PKN2: variants seen among roughly 807,000 people sequenced by gnomAD.
PKN2 encodes serine/threonine-protein kinase N2.
In PKN2, 38 loss-of-function variants were observed where a neutral mutation model predicts 119.1. The observed-to-expected ratio is 0.32, with a 90% CI of 0.25 to 0.42. The LOEUF (loss-of-function observed/expected upper bound fraction) is 0.42. PKN2 is among the 10% of genes least tolerant of loss of function. The pLI, the probability that PKN2 is intolerant of heterozygous loss-of-function variation, is 1.00. For synonymous variants in PKN2, 390 were observed against 384.9 expected (o/e 1.01, Z -0.15); for missense variants, 850 against 1,165.1 (o/e 0.73, Z 3.94).
chr1:88,816,062 C>T (rs996577060), intron 16 of PKN2, among the ~76,000 whole-genome samples: 1 of 151,792 alleles, frequency 6.6e-6, no homozygotes, highest in Non-Finnish European at 1.5e-5. Context: ...ACCACTTGAA[C>T]CCCAGAGGCA....
chr1:88,776,196 TCCCTCCCCCTCC>T (rs1202438757), intron 6 of PKN2, among the ~76,000 whole-genome samples: 1 of 118,246 alleles, frequency 8.5e-6, no homozygotes, highest in East Asian at 2.3e-4. Context: ...TCTCTCTCCC[TCCCTCCCCCTCC>T]CCCTACCCCC....
chr1:88,757,276 T>C (rs1669243540), intron 2 of PKN2, among the ~76,000 whole-genome samples: 1 of 152,220 alleles, frequency 6.6e-6, no homozygotes, highest in Admixed American at 6.5e-5. Context: ...GCAGATATCA[T>C]TAACTAAAGC....
chr1:88,722,479 G>A (rs1387665681), intron 1 of PKN2, among the ~76,000 whole-genome samples: 1 of 152,178 alleles, frequency 6.6e-6, no homozygotes. Context: ...TTGGATATGA[G>A]GGATTGCTAT....
chr1:88,690,915 G>C (rs150037005), intron 1 of PKN2, among the ~76,000 whole-genome samples: 534 of 152,208 alleles, frequency 3.5e-3, no homozygotes, highest in Non-Finnish European at 6.3e-3. Flanking sequence ...AAATTTGTCA[G>C]TGACTTATCA....
At chr1:88,701,928 C>A (rs1003133197) in intron 1 of PKN2, among the ~76,000 whole-genome samples, 34 of 152,050 alleles carry the variant, frequency 2.2e-4, no homozygotes, top group African/African-American at 2.9e-4. Context: ...CATTGTAGGA[C>A]TTTAGAGGAG....
At chr1:88,720,623 AC>A (rs754807411) in intron 1 of PKN2, among the ~76,000 whole-genome samples, 4 of 151,826 alleles carry the variant, frequency 2.6e-5, no homozygotes, top group South Asian at 2.1e-4. Context: ...ATGTTTCGTG[AC>A]CCTTTTTTTT....
At chr1:88,738,306 A>T (rs544531272) in intron 1 of PKN2, among the ~76,000 whole-genome samples, 1 of 152,370 alleles carries the variant, frequency 6.6e-6, no homozygotes, top group African/African-American at 2.4e-5. Context: ...CAGAGCACAC[A>T]GGAGAGGCAT....
intron 1 of PKN2, among the ~76,000 whole-genome samples, chr1:88,725,069 T>C (rs1667846981): frequency 6.6e-6 from 1 of 152,042 alleles, no homozygotes; most frequent in Non-Finnish European, 1.5e-5. Context: ...TACTTTTTAT[T>C]GCTTAGTAGC....
rs1186808652 is a variant in PKN2 at position 88,835,733 on chromosome 1, AAAC to A, written c.*2288_*2290del. 6.6e-6 allele frequency: 1 copy of A among 152,366 alleles called. No homozygotes were observed. Among genetic ancestry groups the A allele is most frequent in the Non-Finnish European group, 1.5e-5 (1 of 67,918 alleles). The allele number at this position is 152,366 out of a possible 1,614,324, so 9.4% of individuals were successfully genotyped here. ...TGCCTTTCACTATGTCATTCTAAGA[AAAC>A]AAGTGTTTTTTGCAGTCATAAATTA... On this transcript the variant is annotated 3_prime_UTR_variant, in exon 22 of 22. Coordinates refer to ENST00000370521, the MANE Select transcript of PKN2 (RefSeq NM_006256.4).
chr1:88,776,972 A>G (rs1267705037), intron 6 of PKN2, among the ~76,000 whole-genome samples: 2 of 152,048 alleles, frequency 1.3e-5, no homozygotes, highest in Non-Finnish European at 2.9e-5. Flanking sequence ...CTTGTCTTTC[A>G]TCAGATTTGG....
chr1:88,773,669 C>T (rs1278046772), intron 6 of PKN2, among the ~76,000 whole-genome samples: 4 of 152,108 alleles, frequency 2.6e-5, no homozygotes, highest in Admixed American at 6.5e-5. Flanking sequence ...GTCCCAGCTA[C>T]TTGGGAGGCA....
At chr1:88,759,795 C>A (rs1184480348) in intron 2 of PKN2, among the ~76,000 whole-genome samples, 1 of 152,118 alleles carries the variant, frequency 6.6e-6, no homozygotes, top group East Asian at 1.9e-4. Context: ...TGGACACATA[C>A]AACCTCCCAA....
chr1:88,806,091 G>C, intron 12 of PKN2, 74 bp downstream of exon 12: 5 of 1,260,484 alleles, frequency 4.0e-6, no homozygotes, highest in Non-Finnish European at 4.6e-6. Context: ...AGTGAATAAG[G>C]CGTGTCTTTC....
intron 1 of PKN2, among the ~76,000 whole-genome samples, chr1:88,714,121 G>A (rs1667350250): frequency 6.6e-6 from 1 of 152,150 alleles, no homozygotes; most frequent in African/African-American, 2.4e-5. Flanking sequence ...TGAGGCCTCT[G>A]TTCTGTTCCA....
chr1:88,806,328 C>A, intron 12 of PKN2: 1 of 298,130 alleles, frequency 3.4e-6, no homozygotes. Flanking sequence ...TGCCACCATG[C>A]CTGGCTAATT....
intron 19 of PKN2, chr1:88,829,016 G>A (rs200056151): frequency 5.6e-5 from 36 of 641,702 alleles, no homozygotes; most frequent in Middle Eastern, 2.5e-4. Flanking sequence ...CCAGACTTCC[G>A]TCTGAGCAAC....
At chr1:88,792,319 C>T (rs1670875117) in intron 8 of PKN2, among the ~76,000 whole-genome samples, 1 of 152,178 alleles carries the variant, frequency 6.6e-6, no homozygotes, top group South Asian at 2.1e-4. Context: ...AATAGAATCG[C>T]TTGAACCTGG....
At chr1:88,828,429 A>G (rs934197751) in intron 18 of PKN2, 52 bp from the exon 19 acceptor site, 60 of 1,463,906 alleles carry the variant, frequency 4.1e-5, no homozygotes, top group Non-Finnish European at 5.6e-5. Flanking sequence ...TTTTTTTTTT[A>G]TGCTAGATTT....
At position 88,805,472 on chromosome 1, in the gene PKN2, T is replaced by G. The variant is rs551542766; in HGVS notation, c.1502-25T>G. ...TTATACATAAAGAAATTACTTGCTG[T>G]TTTTGTTTTTTTCAACATCTACAGG... is the stretch of plus-strand genomic sequence containing the variant. On this transcript the variant is annotated intron_variant, in intron 10 of 21. Transcript: ENST00000370521. 7 of 1,540,104 alleles carry G rather than the reference T, an allele frequency of 4.5e-6. No individual in the cohort carries two copies. In the South Asian group the frequency reaches 8.6e-5, roughly 19 times the overall value.
Sources: allele counts gnomAD v4.1 joint callset (sites outside exome capture counted in the v4.1 genomes callset), GRCh38; gene constraint gnomAD v4.1.1; transcripts MANE v1.5; gene names NCBI Gene and HGNC (gene_info 2026-07-23, HGNC 2026-07-21).